The following SPATA21 variants were observed in gnomAD, a reference collection of about 807,000 sequenced individuals.
The protein encoded by SPATA21 is spermatogenesis-associated protein 21.
A neutral mutation model predicts 54.8 loss-of-function variants in SPATA21; 47 were observed. The observed-to-expected ratio is 0.86, with a 90% CI of 0.68 to 1.09. The LOEUF (loss-of-function observed/expected upper bound fraction) is 1.09. Ranked by LOEUF, SPATA21 falls within the 50% of genes least tolerant of loss-of-function variation. The pLI is 0.00. For synonymous variants in SPATA21, 245 were observed against 235.3 expected (o/e 1.04, Z -0.38); for missense variants, 599 against 596.4 (o/e 1.00, Z -0.05).
chr1:16,435,378 C>T (rs1427569539), intron 1 of SPATA21, among the ~76,000 whole-genome samples: 1 of 151,568 alleles, frequency 6.6e-6, no homozygotes, highest in Non-Finnish European at 1.5e-5. Context: ...GTGCAGTGGC[C>T]TAGTTCCAGC....
At chr1:16,399,579 CA>C (rs1197828829) in intron 11 of SPATA21, 58 bp from the exon 12 acceptor site, 1 of 1,551,250 alleles carries the variant, frequency 6.4e-7, no homozygotes, top group Non-Finnish European at 8.7e-7. Context: ...CCTTGGGAAG[CA>C]GGCAGATTCA....
Position 16,436,046 on chromosome 1 carries a change from T to A in SPATA21, c.-187+1082A>T, listed in dbSNP as rs183222693. On this transcript the variant is annotated intron_variant, in intron 1 of 12. Coordinates refer to ENST00000335496, the MANE Select transcript of SPATA21 (RefSeq NM_198546.1). Reference sequence around the variant, plus strand: ...GGCGGGCGGATCATGAGGTCAGGAGTTTGAGACCAGCCTGGCCAGCAAGGT... The same window carrying A: ...GGCGGGCGGATCATGAGGTCAGGAGATTGAGACCAGCCTGGCCAGCAAGGT... 3.4e-3 allele frequency among the ~76,000 whole-genome samples: 502 copies of A among 146,776 alleles called. 3 individuals carry two copies. The highest frequency in any genetic ancestry group is 0.012 in the African/African-American group (483 of 39,494).
chr1:16,412,777 A>T (rs1394253462), intron 5 of SPATA21, among the ~76,000 whole-genome samples: 4 of 149,194 alleles, frequency 2.7e-5, no homozygotes, highest in Non-Finnish European at 5.9e-5. Flanking sequence ...TTACCAACTT[A>T]ACGATTTTCT....
At chr1:16,427,762 GC>G in intron 3 of SPATA21, 2 of 1,311,424 alleles carry the variant, frequency 1.5e-6, no homozygotes, top group East Asian at 5.2e-5. Flanking sequence ...CGTGGGTGGA[GC>G]TGCCTTGGCC....
intron 5 of SPATA21, among the ~76,000 whole-genome samples, chr1:16,418,523 C>T (rs1423723342): frequency 6.6e-6 from 1 of 151,958 alleles, no homozygotes; most frequent in Non-Finnish European, 1.5e-5. Flanking sequence ...CCTCCCGCCT[C>T]AGCCTCCCAA....
At position 16,400,771 on chromosome 1, in the gene SPATA21, G is replaced by C; in HGVS notation, c.1123C>G (p.Pro375Ala). The stretch of plus-strand genomic sequence containing the variant: ...AGGATACTGAGGACCTTTCGTTCTG[G>C]AACTTCTGAGCTCTCTTCTTGCTGG... Reference protein sequence around the residue: ...NPQQEESSEVPERKVLSILSR... With the variant: ...NPQQEESSEVAERKVLSILSR... Residue 375 changes from proline to alanine, a missense_variant, in exon 11 of 13, where the codon CCA (proline) becomes GCA (alanine). Transcript: ENST00000335496. 6.2e-7 allele frequency: 1 copy of C among 1,614,138 alleles called. No individual in the cohort carries two copies. Among genetic ancestry groups the C allele is most frequent in the Non-Finnish European group, 8.5e-7 (1 of 1,180,014 alleles).
intron 3 of SPATA21, among the ~76,000 whole-genome samples, chr1:16,423,619 C>A (rs1570188400): frequency 7.0e-6 from 1 of 142,914 alleles, no homozygotes; most frequent in Admixed American, 7.1e-5. Context: ...TCTCAGCTCA[C>A]TGCAACCTCC....
intron 7 of SPATA21, among the ~76,000 whole-genome samples, chr1:16,408,220 A>G (rs2085709487): frequency 6.6e-6 from 1 of 152,140 alleles, no homozygotes; most frequent in Non-Finnish European, 1.5e-5. Flanking sequence ...GAGGATGTAC[A>G]TCCATTCTTC....
intron 5 of SPATA21, among the ~76,000 whole-genome samples, chr1:16,418,486 A>T (rs1203685710): frequency 1.3e-5 from 2 of 150,066 alleles, no homozygotes; most frequent in Non-Finnish European, 3.0e-5. Context: ...GTTAGCCAGG[A>T]TGGTCTCGAT....
chr1:16,413,279 T>G (rs1379811621), intron 5 of SPATA21, among the ~76,000 whole-genome samples: 5 of 152,242 alleles, frequency 3.3e-5, no homozygotes, highest in Admixed American at 6.5e-5. Context: ...TTTGTCTTTT[T>G]GTGACTGGCT....
rs140147012 is a variant in SPATA21 at position 16,425,494 on chromosome 1, A to G, written c.35-3523T>C. The G allele has an allele frequency of 7.1e-6, 11 of 1,546,230 alleles. No individual in the cohort carries two copies. The African/African-American group carries it at 1.2e-4, about 17-fold the overall frequency. ...CACCTCCTCTGTGGTAGGTCATTCC[A>G]TACCCTTCTCCCCAGATCTCCTAGG... On this transcript the variant is annotated intron_variant, in intron 3 of 12. Coordinates refer to ENST00000335496, the MANE Select transcript of SPATA21 (RefSeq NM_198546.1).
At chr1:16,398,073 C>T (rs1331035249), downstream of SPATA21, 6 of 887,972 alleles carry the variant, frequency 6.8e-6, no homozygotes, top group Non-Finnish European at 8.1e-6. Flanking sequence ...CCCCACCCTG[C>T]ACCGCGGGCT....
intron 3 of SPATA21, among the ~76,000 whole-genome samples, chr1:16,423,625 C>T (rs1251012461): frequency 7.0e-6 from 1 of 142,118 alleles, no homozygotes; most frequent in Non-Finnish European, 1.5e-5. Flanking sequence ...CTCACTGCAA[C>T]CTCCGCCTCC....
At chr1:16,434,429 C>T (rs905361760) in intron 1 of SPATA21, among the ~76,000 whole-genome samples, 1 of 151,888 alleles carries the variant, frequency 6.6e-6, no homozygotes, top group Non-Finnish European at 1.5e-5. Flanking sequence ...GCTGGGACTA[C>T]AGACGCATGC....
Position 16,409,890 on chromosome 1 carries a change from G to T in SPATA21, c.298C>A (p.Arg100=), listed in dbSNP as rs1464451340. 1 of 1,613,420 alleles carries T rather than the reference G, an allele frequency of 6.2e-7. No individual in the cohort carries two copies. The highest frequency in any genetic ancestry group is 1.1e-5 in the South Asian group (1 of 90,992). Reference sequence around the variant, plus strand: ...TGGGACCGGGCCTTCGAGGCTCTCCGATGGGAGGCCTCCATTTTCTCCACC... The same window carrying T: ...TGGGACCGGGCCTTCGAGGCTCTCCTATGGGAGGCCTCCATTTTCTCCACC... ...LEVEKMEASH[R]RASKARSQTA... is the part of the protein sequence containing the mutation. The change falls in exon 6 of 13, where the codon CGG becomes AGG. Residue 100 remains arginine, a synonymous_variant. Transcript: ENST00000335496. This position sits in a 1 kb window ranked among gnomAD's most constrained non-coding sequence, Gnocchi z 4.1.
chr1:16,430,605 T>C (rs1166573165), intron 3 of SPATA21, among the ~76,000 whole-genome samples: 1 of 152,134 alleles, frequency 6.6e-6, no homozygotes, highest in African/African-American at 2.4e-5. Flanking sequence ...TTGGAGGCCA[T>C]GCAAGGCACC....
At chr1:16,398,477 AG>A (rs1404833998), downstream of SPATA21, among the ~76,000 whole-genome samples, 1 of 152,204 alleles carries the variant, frequency 6.6e-6, no homozygotes, top group Non-Finnish European at 1.5e-5. Context: ...GGAGAGGCCT[AG>A]CCCTGTGCTT....
At chr1:16,412,461 C>T (rs1195305302) in intron 5 of SPATA21, among the ~76,000 whole-genome samples, 1 of 151,458 alleles carries the variant, frequency 6.6e-6, no homozygotes, top group African/African-American at 2.4e-5. Flanking sequence ...TAACATTTAC[C>T]ATCTTTGTTT....
intron 5 of SPATA21, among the ~76,000 whole-genome samples, chr1:16,412,419 T>C (rs577923158): frequency 6.6e-6 from 1 of 152,244 alleles, no homozygotes; most frequent in African/African-American, 2.4e-5. Context: ...TTTATTCTTT[T>C]CCAACTTTTT....
Sources: gnomAD v4.1 joint callset for allele counts (sites outside exome capture counted in the v4.1 genomes callset) on GRCh38, gnomAD v4.1.1 for gene constraint, Gnocchi (gnomAD v3.1) non-coding constraint, MANE v1.5 for transcripts, NCBI Gene and HGNC (gene_info 2026-07-23, HGNC 2026-07-21) for gene names.